CAMTA1: variants seen among roughly 807,000 people sequenced by gnomAD.
CAMTA1 encodes calmodulin-binding transcription activator 1.
Under a neutral mutation model 170.9 loss-of-function variants are expected in CAMTA1, and 27 were observed. The observed-to-expected ratio is 0.16, with a 90% confidence interval of 0.12 to 0.22. CAMTA1 has a LOEUF of 0.22. Ranked by LOEUF, CAMTA1 falls within the 10% of genes least tolerant of loss-of-function variation. The probability of loss-of-function intolerance (pLI) is 1.00; values close to 1 mark genes in which losing one functional copy is unlikely to be tolerated. For missense variants in CAMTA1, 1,619 were observed against 2,217.2 expected, an observed-to-expected ratio of 0.73 and a Z score of 5.42; for synonymous variants, 833 against 891.5, an observed-to-expected ratio of 0.93 and a Z score of 1.17.
intron 1 of CAMTA1, among the ~76,000 whole-genome samples, chr1:6,791,531 A>C (rs1347386441): frequency 2.0e-5 from 3 of 152,172 alleles, no homozygotes; most frequent in Admixed American, 6.5e-5. Context: ...TGATACAATA[A>C]ATTTCTTTAA....
chr1:7,418,434 G>A (rs1318816827), intron 5 of CAMTA1, among the ~76,000 whole-genome samples: 1 of 152,108 alleles, frequency 6.6e-6, no homozygotes, highest in Non-Finnish European at 1.5e-5. Flanking sequence ...CTTGACCTCA[G>A]GTGGTCCGCC....
At chr1:7,486,850 T>C (rs1254185188) in intron 6 of CAMTA1, among the ~76,000 whole-genome samples, 2 of 152,174 alleles carry the variant, frequency 1.3e-5, no homozygotes, top group Non-Finnish European at 2.9e-5. Flanking sequence ...GAAAGCCCTG[T>C]GAGCAACCCC....
chr1:6,930,797 A>G (rs538500345), intron 3 of CAMTA1, among the ~76,000 whole-genome samples: 1 of 152,298 alleles, frequency 6.6e-6, no homozygotes, highest in East Asian at 1.9e-4. Context: ...ATGAGGAGTA[A>G]GGCTCAGCCC....
At chr1:7,556,654 A>G (rs1477236334) in intron 6 of CAMTA1, among the ~76,000 whole-genome samples, 1 of 152,098 alleles carries the variant, frequency 6.6e-6, no homozygotes, top group Non-Finnish European at 1.5e-5. Flanking sequence ...CTCCAGACAC[A>G]CTGGCCTCTT....
chr1:7,421,878 C>T (rs2091582959), intron 5 of CAMTA1, among the ~76,000 whole-genome samples: 2 of 152,030 alleles, frequency 1.3e-5, no homozygotes, highest in South Asian at 4.2e-4. Context: ...GCAGCGCTCA[C>T]TCCACACTGG....
At chr1:6,920,616 C>G (rs1214185160) in intron 3 of CAMTA1, among the ~76,000 whole-genome samples, 1 of 152,214 alleles carries the variant, frequency 6.6e-6, no homozygotes, top group Non-Finnish European at 1.5e-5. Flanking sequence ...CTGTGAGGGT[C>G]CCACCCCTGC....
Position 7,635,112 on chromosome 1 carries a change from G to A in CAMTA1, c.511-5288G>A, listed in dbSNP as rs1576510401. On this transcript the variant is annotated intron_variant, in intron 6 of 22. Coordinates refer to ENST00000303635, the MANE Select transcript of CAMTA1 (RefSeq NM_015215.4). This position sits in a 1 kb window ranked among gnomAD's most constrained non-coding sequence, Gnocchi z 4.4. The stretch of plus-strand genomic sequence containing the variant: ...ACTGACCAGGCCTCCAGGAAAGCAA[G>A]GGCTCATCTCCAAAGGTCACGATCA... Among the ~76,000 whole-genome samples, 2 of 152,318 alleles carry A rather than the reference G, an allele frequency of 1.3e-5. No individual in the cohort carries two copies. The highest frequency in any genetic ancestry group is 3.9e-4 in the East Asian group (2 of 5,174).
At position 7,390,293 on chromosome 1, in the gene CAMTA1, C is replaced by CT. The variant is rs61692308; in HGVS notation, c.439-77536dup. ...AACCCGCCCAGGGTGCCTGCCTTCTCTAAGCATCTGACACAGCTCAGGGAC... is the reference window on the plus strand; with the variant it reads ...AACCCGCCCAGGGTGCCTGCCTTCTCTTAAGCATCTGACACAGCTCAGGGAC... On this transcript the variant is annotated intron_variant, in intron 5 of 22. Coordinates refer to ENST00000303635, the MANE Select transcript of CAMTA1 (RefSeq NM_015215.4). Among the ~76,000 whole-genome samples the CT allele has an allele frequency of 4.3e-3, 661 of 152,348 alleles. 5 individuals are homozygous for CT. Among genetic ancestry groups the CT allele is most frequent in the African/African-American group, 0.015 (633 of 41,586 alleles).
chr1:7,506,496 T>C (rs887010160), intron 6 of CAMTA1, among the ~76,000 whole-genome samples: 2 of 151,828 alleles, frequency 1.3e-5, no homozygotes, highest in Admixed American at 6.6e-5. Flanking sequence ...TAACACTTCA[T>C]ACTGAAACTC....
intron 11 of CAMTA1, among the ~76,000 whole-genome samples, chr1:7,690,032 G>A (rs1341315914): frequency 8.6e-5 from 13 of 151,996 alleles, no homozygotes; most frequent in Non-Finnish European, 1.6e-4. Context: ...GGTGGCAGGC[G>A]CCTGTAATCC....
chr1:7,559,831 T>C (rs1356390062), intron 6 of CAMTA1, among the ~76,000 whole-genome samples: 1 of 151,792 alleles, frequency 6.6e-6, no homozygotes, highest in Non-Finnish European at 1.5e-5. Flanking sequence ...ACTTCCAGCT[T>C]CTGGGAGGCC....
Position 7,233,500 on chromosome 1 carries a change from A to G in CAMTA1, c.303-15991A>G, listed in dbSNP as rs74643876. 3.6e-3 allele frequency among the ~76,000 whole-genome samples: 551 copies of G among 152,346 alleles called. 4 individuals are homozygous for G. The highest frequency in any genetic ancestry group is 0.012 in the African/African-American group (514 of 41,580). On this transcript the variant is annotated intron_variant, in intron 4 of 22. Transcript: ENST00000303635. ...TAAACCCCCTTTTCTTTGGCTTGTC[A>G]CTGACCAAATGCTTTCAGCGTAATA...
chr1:7,723,799 G>C (rs1051054525), intron 11 of CAMTA1, among the ~76,000 whole-genome samples: 1 of 152,190 alleles, frequency 6.6e-6, no homozygotes, highest in African/African-American at 2.4e-5. Flanking sequence ...TACCTGACCA[G>C]TATTCTTCAA....
intron 5 of CAMTA1, among the ~76,000 whole-genome samples, chr1:7,386,542 T>G (rs375945984): frequency 6.6e-6 from 1 of 152,122 alleles, no homozygotes; most frequent in Admixed American, 6.5e-5. Context: ...CTTGGCCTTC[T>G]CTCTCCAACT....
intron 5 of CAMTA1, among the ~76,000 whole-genome samples, chr1:7,263,628 A>G (rs4140605): frequency 0.74 from 112,090 of 152,002 alleles, 41,419 homozygotes; most frequent in South Asian, 0.82. Context: ...CCCGGGTGTA[A>G]GGAGCTAGAG....
chr1:7,349,482 A>G (rs1459110784), intron 5 of CAMTA1, among the ~76,000 whole-genome samples: 5 of 152,186 alleles, frequency 3.3e-5, no homozygotes, highest in African/African-American at 9.7e-5. Context: ...ATCCCATGCC[A>G]TGTGTGTACT....
Position 7,547,300 on chromosome 1 carries a change from T to C in CAMTA1, c.510+79399T>C, listed in dbSNP as rs2150144748. On this transcript the variant is annotated intron_variant, in intron 6 of 22. Transcript: ENST00000303635. The surrounding 1 kb of genome is among the most constrained non-coding windows in gnomAD (Gnocchi z 5.7). ...ATCTGGGCCTGAGTATGCTCACTGC[T>C]CCCAGGCCTCTCTCAGTAGATAGAG... Among the ~76,000 whole-genome samples, 1 of 151,588 alleles carries C rather than the reference T, an allele frequency of 6.6e-6. No homozygotes were observed. Among genetic ancestry groups the C allele is most frequent in the South Asian group, 2.1e-4 (1 of 4,788 alleles).
chr1:7,629,327 T>C (rs553302578), intron 6 of CAMTA1, among the ~76,000 whole-genome samples: 56 of 152,334 alleles, frequency 3.7e-4, no homozygotes, highest in African/African-American at 1.1e-3. Context: ...TCCTAGATTT[T>C]GTGGTCCCAA....
chr1:7,579,183 C>T (rs1250518904), intron 6 of CAMTA1, among the ~76,000 whole-genome samples: 1 of 152,228 alleles, frequency 6.6e-6, no homozygotes. Context: ...TCTGGTGGCA[C>T]CAAGGCTGCC....
Sources: gnomAD v4.1 joint callset for allele counts (sites outside exome capture counted in the v4.1 genomes callset) on GRCh38, gnomAD v4.1.1 for gene constraint, Gnocchi (gnomAD v3.1) non-coding constraint, MANE v1.5 for transcripts, NCBI Gene and HGNC (gene_info 2026-07-23, HGNC 2026-07-21) for gene names.